Variants in CEMIP observed in about 807,000 individuals in gnomAD.
The protein encoded by CEMIP is cell migration inducing hyaluronidase 1.
In CEMIP, 105 loss-of-function variants were observed where a neutral mutation model predicts 156.9. That is an observed-to-expected ratio of 0.67 (90% CI 0.57 to 0.79). CEMIP has a LOEUF of 0.79. CEMIP is among the 30% of genes least tolerant of loss of function. The pLI, the probability that CEMIP is intolerant of heterozygous loss-of-function variation, is 0.00. For missense variants in CEMIP, 1,457 were observed against 1,769.4 expected (o/e 0.82, Z 3.17); for synonymous variants, 676 against 668.4 (o/e 1.01, Z -0.17).
chr15:80,826,236 T>C lies in CEMIP; in HGVS notation c.-176+46622T>C, dbSNP rs903032113. ...TACTGCATTATTTACAAAACTCATTTGCTGTCAAGTTACCAGTCTGGGCAT... is the reference window on the plus strand; with the variant it reads ...TACTGCATTATTTACAAAACTCATTCGCTGTCAAGTTACCAGTCTGGGCAT... On this transcript the variant is annotated intron_variant, in intron 1 of 29. Coordinates refer to ENST00000394685, the MANE Select transcript of CEMIP (RefSeq NM_001293298.2). Among the ~76,000 whole-genome samples, 5 of 152,260 alleles carry C rather than the reference T, an allele frequency of 3.3e-5. No individual in the cohort carries two copies. In the South Asian group the frequency reaches 1.0e-3, roughly 31 times the overall value.
At chr15:80,827,265 G>A (rs1298568971) in intron 1 of CEMIP, among the ~76,000 whole-genome samples, 1 of 152,204 alleles carries the variant, frequency 6.6e-6, no homozygotes, top group Non-Finnish European at 1.5e-5. Flanking sequence ...CTGTCCCTAA[G>A]GTGGTCACCA....
At chr15:80,789,366 C>T (rs1034172453) in intron 1 of CEMIP, among the ~76,000 whole-genome samples, 5 of 152,122 alleles carry the variant, frequency 3.3e-5, no homozygotes, top group South Asian at 2.1e-4. Context: ...CCTTCCTTTT[C>T]GGAGAGGGCA....
Position 80,942,310 on chromosome 15 carries a change from C to T in CEMIP, c.3672C>T (p.His1224=). 6.2e-7 allele frequency: 1 copy of T among 1,614,140 alleles called. No homozygotes were observed. Among genetic ancestry groups the T allele is most frequent in the Non-Finnish European group, 8.5e-7 (1 of 1,179,960 alleles). The change falls in exon 27 of 30, where the codon CAC becomes CAT. Residue 1224 remains histidine (H), a synonymous_variant. Transcript: ENST00000394685. ...AGAGTTCCAAGCAGCACTTCTTCCACCTCTGGAACGACTTCGCTTACATTG... is the reference window on the plus strand; with the variant it reads ...AGAGTTCCAAGCAGCACTTCTTCCATCTCTGGAACGACTTCGCTTACATTG... ...KMESSKQHFF[H]LWNDFAYIEV...
rs774499290 is a variant in CEMIP at position 80,889,441 on chromosome 15, G to A, written c.965-30G>A. 3.7e-6 allele frequency: 6 copies of A among 1,613,610 alleles called. No homozygotes were observed. The Admixed American group carries it at 6.7e-5, about 18-fold the overall frequency. On this transcript the variant is annotated intron_variant, in intron 9 of 29. Coordinates refer to ENST00000394685, the MANE Select transcript of CEMIP (RefSeq NM_001293298.2). ...GACTTGCCCTCACAGACAACCTCCT[G>A]TCTGACTGTGCTGTTTGCTTTCTGC...
rs573235158 is a variant in CEMIP, at chr15:80,935,839, A to T, written c.3010-835A>T. 3.7e-3 allele frequency among the ~76,000 whole-genome samples: 567 copies of T among 152,258 alleles called. 7 individuals carry two copies. Among genetic ancestry groups the T allele is most frequent in the African/African-American group, 0.013 (524 of 41,538 alleles). ...CTGCAACCCCCGCCTCCCAGGTTCA[A>T]GCGATTCTCCTGCCTCAGCCTCCCT... On this transcript the variant is annotated intron_variant, in intron 23 of 29. Transcript: ENST00000394685.
chr15:80,786,766 GACAA>G (rs1181022636), intron 1 of CEMIP, among the ~76,000 whole-genome samples: 1 of 152,098 alleles, frequency 6.6e-6, no homozygotes, highest in Non-Finnish European at 1.5e-5. Context: ...GCATGGGAGG[GACAA>G]ACAAAGTTGT....
Position 80,873,864 on chromosome 15 carries a change from G to C in CEMIP, c.-16G>C, listed in dbSNP as rs762565758. ...CTGACTCTGTGTGCTTCTCTTTCAGGGAGCACACTGCCAGGATGGGAGCTG... is the reference window on the plus strand; with the variant it reads ...CTGACTCTGTGTGCTTCTCTTTCAGCGAGCACACTGCCAGGATGGGAGCTG... On this transcript the variant is annotated splice_region_variant and 5_prime_UTR_variant, in exon 3 of 30. Coordinates refer to ENST00000394685, the MANE Select transcript of CEMIP (RefSeq NM_001293298.2). 1.2e-5 allele frequency: 19 copies of C among 1,568,916 alleles called. No individual in the cohort carries two copies. The East Asian group carries it at 4.4e-4, about 36-fold the overall frequency.
At chr15:80,940,566 C>T (rs980883195) in intron 25 of CEMIP, among the ~76,000 whole-genome samples, 1 of 152,232 alleles carries the variant, frequency 6.6e-6, no homozygotes, top group African/African-American at 2.4e-5. Context: ...GCAGATATGG[C>T]TGCTCTGCTC....
chr15:80,941,714 A>G (rs559154828), intron 25 of CEMIP, 135 bp from the exon 26 acceptor site: 1 of 750,088 alleles, frequency 1.3e-6, no homozygotes, highest in Non-Finnish European at 2.3e-6. Context: ...ACTCGGTGGT[A>G]GACATGGTTC....
intron 7 of CEMIP, among the ~76,000 whole-genome samples, chr15:80,884,663 C>T (rs888579091): frequency 1.3e-5 from 2 of 152,220 alleles, no homozygotes; most frequent in Non-Finnish European, 2.9e-5. Flanking sequence ...AGAGCCATGC[C>T]TCCAATGCAC....
At chr15:80,941,782 TG>T (rs2141971063) in intron 25 of CEMIP, 66 bp from the exon 26 acceptor site, 1 of 1,423,684 alleles carries the variant, frequency 7.0e-7, no homozygotes, top group Non-Finnish European at 9.8e-7. Flanking sequence ...AATGTCTCGG[TG>T]GGTGGGAGGA....
chr15:80,848,160 A>G (rs1245675197), intron 1 of CEMIP, among the ~76,000 whole-genome samples: 1 of 152,040 alleles, frequency 6.6e-6, no homozygotes, highest in Non-Finnish European at 1.5e-5. Context: ...TCTGAGAGAG[A>G]CCCCTGCAGG....
chr15:80,931,211 C>T (rs1900899122), intron 21 of CEMIP, among the ~76,000 whole-genome samples: 1 of 152,184 alleles, frequency 6.6e-6, no homozygotes. Flanking sequence ...TCAGTGGGGC[C>T]TCCCTTTCTT....
At position 80,925,626 on chromosome 15, in the gene CEMIP, A is replaced by C; in HGVS notation, c.2291A>C (p.Tyr764Ser). The change falls in exon 19 of 30, where the codon TAC becomes TCC. Residue 764 changes from tyrosine (Y) to serine (S), a missense_variant and splice_region_variant. Physicochemically the swap from Tyr to Ser is moderately radical, Grantham distance 144 (BLOSUM62 -2). This residue lies in a region of CEMIP where 798 missense variants were observed against 980.1 expected (regional missense o/e 0.81). Transcript: ENST00000394685. ...RPFLSIISAR[Y>S]SPHQDADPLK... ...CCCTCCCCATGGTTGTGCTGCAGATACAGCCCTCACCAGGACGCCGACCCG... is the reference window on the plus strand; with the variant it reads ...CCCTCCCCATGGTTGTGCTGCAGATCCAGCCCTCACCAGGACGCCGACCCG... The C allele has an allele frequency of 1.9e-6, 3 of 1,612,446 alleles. No individual in the cohort carries two copies. The highest frequency in any genetic ancestry group is 2.5e-6 in the Non-Finnish European group (3 of 1,179,902).
intron 25 of CEMIP, among the ~76,000 whole-genome samples, chr15:80,940,430 T>C (rs980789209): frequency 6.6e-6 from 1 of 152,208 alleles, no homozygotes; most frequent in Non-Finnish European, 1.5e-5. Context: ...CAGGAGTGGT[T>C]TGGAGCATGT....
At chr15:80,926,814 G>A (rs1900690113) in intron 19 of CEMIP, among the ~76,000 whole-genome samples, 1 of 128,972 alleles carries the variant, frequency 7.8e-6, no homozygotes, top group African/African-American at 4.3e-5. Flanking sequence ...GAGAGACTGA[G>A]CGGGTGGGGG....
At chr15:80,928,867 G>A (rs1900793544) in intron 19 of CEMIP, 35 bp from the exon 20 acceptor site, 2 of 1,612,706 alleles carry the variant, frequency 1.2e-6, no homozygotes, top group African/African-American at 1.3e-5. Context: ...TGAAGCCAGG[G>A]CATGCTCTGA....
chr15:80,902,861 A>G (rs1186780100), intron 12 of CEMIP, among the ~76,000 whole-genome samples: 1 of 152,202 alleles, frequency 6.6e-6, no homozygotes, highest in East Asian at 1.9e-4. Flanking sequence ...CTGTTACACT[A>G]GCCTCCTACC....
Position 80,942,249 on chromosome 15 carries a change from A to C in CEMIP, c.3613-2A>C. The C allele has an allele frequency of 6.2e-7, 1 of 1,612,486 alleles. No individual in the cohort carries two copies. Among genetic ancestry groups the C allele is most frequent in the Non-Finnish European group, 8.5e-7 (1 of 1,178,458 alleles). ...TTACATTGGGTTCTATGTGTTTTCCAGAAAACAAAGGACCATTTCTTGGAG... is the reference window on the plus strand; with the variant it reads ...TTACATTGGGTTCTATGTGTTTTCCCGAAAACAAAGGACCATTTCTTGGAG... On this transcript the variant is annotated splice_acceptor_variant, in intron 26 of 29. Transcript: ENST00000394685. LOFTEE classifies it high-confidence loss of function.
Sources: gnomAD v4.1 joint callset for allele counts (sites outside exome capture counted in the v4.1 genomes callset) on GRCh38, gnomAD v4.1.1 for gene constraint, gnomAD v4.1.1 regional missense constraint, MANE v1.5 for transcripts, NCBI Gene and HGNC (gene_info 2026-07-23, HGNC 2026-07-21) for gene names.